ABCA8: variants seen among roughly 807,000 people sequenced by gnomAD.
ABCA8 encodes the protein ATP binding cassette subfamily A member 8.
ABCA8 carries 177 observed loss-of-function variants against 192.3 expected under a neutral mutation model. That is an observed-to-expected ratio of 0.92 (90% CI 0.81 to 1.04). The LOEUF is 1.04. Ranked by LOEUF, ABCA8 falls within the 50% of genes least tolerant of loss-of-function variation. ABCA8 has a pLI of 0.00. For missense variants in ABCA8, 1,915 were observed against 1,904.8 expected (o/e 1.01, Z -0.10); for synonymous variants, 642 against 690.2 (o/e 0.93, Z 1.09).
At chr17:68,952,050 A>C (rs2068581516) in intron 1 of ABCA8, among the ~76,000 whole-genome samples, 4 of 152,122 alleles carry the variant, frequency 2.6e-5, no homozygotes, top group Admixed American at 2.6e-4. Context: ...AAGATGTAAA[A>C]GGTGGTTATA....
intron 2 of ABCA8, among the ~76,000 whole-genome samples, chr17:68,946,050 AAATTAATTAATTAATT>A (rs34544091): frequency 6.0e-5 from 9 of 148,898 alleles, no homozygotes; most frequent in Non-Finnish European, 8.9e-5. Flanking sequence ...CTTTTTACCA[AAATTAATTAATTAATT>A]AATTAATTAA....
chr17:68,872,769 G>A (rs1488489344), intron 37 of ABCA8, among the ~76,000 whole-genome samples: 1 of 151,792 alleles, frequency 6.6e-6, no homozygotes, highest in African/African-American at 2.4e-5. Flanking sequence ...GTGTGTTTGT[G>A]TCTCACTTTT....
At chr17:68,887,290 C>A in intron 25 of ABCA8, 46 bp downstream of exon 25, 3 of 1,505,448 alleles carry the variant, frequency 2.0e-6, no homozygotes, top group Non-Finnish European at 2.7e-6. Context: ...TTAAATCACA[C>A]AATGATATTG....
intron 2 of ABCA8, among the ~76,000 whole-genome samples, chr17:68,943,849 C>T (rs537456455): frequency 3.9e-5 from 6 of 152,046 alleles, no homozygotes; most frequent in Admixed American, 3.9e-4. Flanking sequence ...TTTTTACAGG[C>T]TTCACCTAGT....
chr17:68,952,841 A>G (rs542095941), intron 1 of ABCA8, among the ~76,000 whole-genome samples: 104 of 152,352 alleles, frequency 6.8e-4, no homozygotes, highest in Non-Finnish European at 1.2e-3. Flanking sequence ...GAGTAGTAGC[A>G]CATCACAGTT....
chr17:68,894,792 T>C (rs577491486), intron 22 of ABCA8, 88 bp downstream of exon 22: 2 of 1,415,596 alleles, frequency 1.4e-6, no homozygotes, highest in African/African-American at 2.9e-5. Flanking sequence ...TTGCTTTTCA[T>C]TTTTATTTCT....
Position 68,906,046 on chromosome 17 carries a change from G to T in ABCA8, c.2396C>A (p.Ser799Ter). The T allele has an allele frequency of 6.3e-7, 1 of 1,580,878 alleles. No homozygotes were observed. The highest frequency in any genetic ancestry group is 1.2e-5 in the South Asian group (1 of 85,464). Reference protein sequence around the residue: ...KLEGKSTINESDIAILGEVQA... With the variant: ...KLEGKSTINE ...TAATTTTCATGCATTTTATTTACCC[G>T]ATTCATTAATTGTAGATTTTCCTTC... Residue 799 changes from serine to a stop codon, truncating the protein, a stop_gained and splice_region_variant, in exon 19 of 40, where the codon TCG becomes TAG. Coordinates refer to ENST00000586539, the MANE Select transcript of ABCA8 (RefSeq NM_001288985.2). LOFTEE classifies it high-confidence loss of function.
At chr17:68,882,410 G>A (rs1387649475) in intron 30 of ABCA8, among the ~76,000 whole-genome samples, 189 bp downstream of exon 30, 2 of 152,044 alleles carry the variant, frequency 1.3e-5, no homozygotes, top group Non-Finnish European at 2.9e-5. Flanking sequence ...AATTTCTATT[G>A]CACTCTATTT....
chr17:68,870,194 A>T (rs1280704920), intron 37 of ABCA8, among the ~76,000 whole-genome samples: 3 of 152,178 alleles, frequency 2.0e-5, no homozygotes, highest in Non-Finnish European at 2.9e-5. Context: ...CTGACCCCTC[A>T]CTGTAGACAT....
chr17:68,911,856 C>A lies in ABCA8; in HGVS notation c.2139-3977G>T, dbSNP rs527257636. Among the ~76,000 whole-genome samples, 5 of 152,198 alleles carry A rather than the reference C, an allele frequency of 3.3e-5. No individual in the cohort carries two copies. The East Asian group carries it at 9.7e-4, about 29-fold the overall frequency. On this transcript the variant is annotated intron_variant, in intron 17 of 39. Coordinates refer to ENST00000586539, the MANE Select transcript of ABCA8 (RefSeq NM_001288985.2). The surrounding 1 kb of genome is among the most constrained non-coding windows in gnomAD (Gnocchi z 5.7). ...CTCCAAGAGCACCAAAGTGGTACGTCGAAGAGTCTGCAAGAATCACCATGT... is the reference window on the plus strand; with the variant it reads ...CTCCAAGAGCACCAAAGTGGTACGTAGAAGAGTCTGCAAGAATCACCATGT...
At chr17:68,879,629 T>C (rs1181799062) in intron 32 of ABCA8, 1 of 152,344 alleles carries the variant, frequency 6.6e-6, no homozygotes, top group Non-Finnish European at 1.5e-5. Context: ...TCCGGGGGAC[T>C]GGCAGGGGCC....
At chr17:68,919,587 G>A (rs1317732720) in intron 13 of ABCA8, 111 bp from the exon 14 acceptor site, 40 of 969,942 alleles carry the variant, frequency 4.1e-5, no homozygotes, top group Non-Finnish European at 5.5e-5. Context: ...TACAATTCAG[G>A]CATTAGAAAC....
chr17:68,919,616 G>C (rs1455811639), intron 13 of ABCA8, 140 bp from the exon 14 acceptor site: 1 of 710,122 alleles, frequency 1.4e-6, no homozygotes, highest in Non-Finnish European at 2.2e-6. Flanking sequence ...TAGTTGCATA[G>C]TATATTCAAA....
At chr17:68,923,933 G>C (rs2067617003) in intron 11 of ABCA8, among the ~76,000 whole-genome samples, 1 of 152,116 alleles carries the variant, frequency 6.6e-6, no homozygotes, top group Non-Finnish European at 1.5e-5. Context: ...GAATGAGATA[G>C]GCTTAACTCT....
intron 21 of ABCA8, among the ~76,000 whole-genome samples, chr17:68,897,791 T>TA (rs1162495523): frequency 1.3e-5 from 2 of 152,056 alleles, no homozygotes; most frequent in Non-Finnish European, 2.9e-5. Flanking sequence ...GAAGATATAT[T>TA]AAATGGGATT....
At position 68,924,741 on chromosome 17, in the gene ABCA8, C is replaced by CA. The variant is rs760695763; in HGVS notation, c.1401dup (p.Glu468Ter). 1 of 1,613,990 alleles carries CA rather than the reference C, an allele frequency of 6.2e-7. No homozygotes were observed. Among genetic ancestry groups the CA allele is most frequent in the Admixed American group, 1.7e-5 (1 of 60,004 alleles). On this transcript the variant is annotated frameshift_variant, in exon 11 of 40. Coordinates refer to ENST00000586539, the MANE Select transcript of ABCA8 (RefSeq NM_001288985.2). LOFTEE classifies it high-confidence loss of function. The stretch of plus-strand genomic sequence containing the variant: ...CCTTGGAATTCTGGAGGCGCTTGTT[C>CA]AAAAGAGTCATGAAATGAAGGATCG...
chr17:68,888,370 A>C (rs2066544513), intron 24 of ABCA8, among the ~76,000 whole-genome samples: 1 of 152,094 alleles, frequency 6.6e-6, no homozygotes, highest in South Asian at 2.1e-4. Context: ...AAGAGTTGTG[A>C]ATTTTTTTCT....
chr17:68,887,424 AG>A lies in ABCA8; in HGVS notation c.3226del (p.Leu1076CysfsTer11), dbSNP rs2066492708. 6.2e-7 allele frequency: 1 copy of A among 1,613,816 alleles called. No individual in the cohort carries two copies. Among genetic ancestry groups the A allele is most frequent in the Admixed American group, 1.7e-5 (1 of 59,990 alleles). On this transcript the variant is annotated frameshift_variant, in exon 25 of 40. Coordinates refer to ENST00000586539, the MANE Select transcript of ABCA8 (RefSeq NM_001288985.2). LOFTEE classifies it high-confidence loss of function. The part of the protein sequence containing the change: ...WFGQALVDVS[L>X]YFLVFVFIYL... ...TATAAAAACGAAGACCAAGAAGTAC[AG>A]GGAAACATCCACCAGCGCCTGCCCA...
At chr17:68,872,490 G>A (rs892819854) in intron 37 of ABCA8, among the ~76,000 whole-genome samples, 2 of 150,728 alleles carry the variant, frequency 1.3e-5, no homozygotes, top group African/African-American at 4.9e-5. Context: ...TGACGAGTTA[G>A]TGGGTGCAGC....
Sources: allele counts gnomAD v4.1 joint callset (sites outside exome capture counted in the v4.1 genomes callset), GRCh38; gene constraint gnomAD v4.1.1; non-coding constraint Gnocchi (gnomAD v3.1); transcripts MANE v1.5; gene names NCBI Gene and HGNC (gene_info 2026-07-23, HGNC 2026-07-21).